The following ZRANB3 variants were observed in gnomAD, a reference collection of about 807,000 sequenced individuals.
The protein encoded by ZRANB3 is zinc finger RANBP2-type containing 3, also known as DNA annealing helicase and endonuclease ZRANB3.
A neutral mutation model predicts 133.8 loss-of-function variants in ZRANB3; 125 were observed. The ratio of observed to expected loss-of-function variants is 0.93; its 90% CI spans 0.81 to 1.08. The LOEUF (loss-of-function observed/expected upper bound fraction) is 1.08. Among genes scored for constraint, ZRANB3 ranks in the 50% least tolerant of loss-of-function variants. The probability of loss-of-function intolerance (pLI) is 0.00; values close to 1 mark genes in which losing one functional copy is unlikely to be tolerated. For synonymous variants in ZRANB3, 387 were observed against 432.7 expected (o/e 0.89, Z 1.31); for missense variants, 1,229 against 1,275.5 (o/e 0.96, Z 0.56).
chr2:135,463,248 G>T (rs1690839614), intron 2 of ZRANB3, among the ~76,000 whole-genome samples: 1 of 152,090 alleles, frequency 6.6e-6, no homozygotes, highest in African/African-American at 2.4e-5. Flanking sequence ...GTATACTTGA[G>T]TTGGTAACTG....
At chr2:135,344,722 C>T (rs1007176297) in intron 6 of ZRANB3, among the ~76,000 whole-genome samples, 4 of 151,914 alleles carry the variant, frequency 2.6e-5, no homozygotes, top group Non-Finnish European at 4.4e-5. Flanking sequence ...GCCTGGGTAA[C>T]GGAGCGAGAC....
At chr2:135,250,204 T>G (rs1335188629) in intron 12 of ZRANB3, among the ~76,000 whole-genome samples, 1 of 152,168 alleles carries the variant, frequency 6.6e-6, no homozygotes, top group Admixed American at 6.5e-5. Context: ...CCCTAGAGAT[T>G]TGTGGAACTT....
chr2:135,202,793 C>T lies in ZRANB3; in HGVS notation c.3141+39G>A, dbSNP rs201227471. On this transcript the variant is annotated intron_variant, in intron 20 of 20. Coordinates refer to ENST00000264159, the MANE Select transcript of ZRANB3 (RefSeq NM_032143.4). ...GTGTGCACAATTTTCCATTTGACTT[C>T]TCAGGATGCAGTCAAAGCTATATGA... is the stretch of plus-strand genomic sequence containing the variant. 227 of 1,571,264 alleles carry T rather than the reference C, an allele frequency of 1.4e-4. No homozygotes were observed. The African/African-American group carries it at 2.6e-3, about 18-fold the overall frequency.
intron 17 of ZRANB3, among the ~76,000 whole-genome samples, chr2:135,209,195 A>AT (rs1197199787): frequency 6.6e-6 from 1 of 152,202 alleles, no homozygotes; most frequent in African/African-American, 2.4e-5. Flanking sequence ...GTTTTCTCAA[A>AT]TTTCTTTTTC....
chr2:135,271,423 G>T, intron 10 of ZRANB3: 1 of 478,196 alleles, frequency 2.1e-6, no homozygotes, highest in Non-Finnish European at 4.3e-6. Context: ...AGTAAGTGAA[G>T]GGTTGGATAT....
At chr2:135,338,792 A>G (rs994924375) in intron 6 of ZRANB3, among the ~76,000 whole-genome samples, 1 of 152,252 alleles carries the variant, frequency 6.6e-6, no homozygotes, top group African/African-American at 2.4e-5. Flanking sequence ...ATACATGTGC[A>G]TATGTGTGTA....
chr2:135,507,738 T>A (rs1433644867), intron 1 of ZRANB3, among the ~76,000 whole-genome samples: 7 of 151,952 alleles, frequency 4.6e-5, no homozygotes, highest in Admixed American at 3.9e-4. Context: ...CAGAATAGCT[T>A]GAGGTCAGGA....
At chr2:135,367,131 C>T (rs1450054449) in intron 3 of ZRANB3, among the ~76,000 whole-genome samples, 1 of 152,176 alleles carries the variant, frequency 6.6e-6, no homozygotes, top group Non-Finnish European at 1.5e-5. Context: ...CAAATATGTG[C>T]TAATTACCTT....
At chr2:135,339,718 C>T (rs1684544166) in intron 6 of ZRANB3, among the ~76,000 whole-genome samples, 1 of 152,146 alleles carries the variant, frequency 6.6e-6, no homozygotes, top group Non-Finnish European at 1.5e-5. Flanking sequence ...AAAACTTTGT[C>T]TTACTGTAGT....
intron 2 of ZRANB3, among the ~76,000 whole-genome samples, chr2:135,495,550 AAAGT>A (rs1380775761): frequency 2.0e-5 from 3 of 152,226 alleles, no homozygotes; most frequent in Non-Finnish European, 2.9e-5. Flanking sequence ...AGAGAATAAT[AAAGT>A]AAATGTGGCA....
chr2:135,263,780 A>ATT, intron 12 of ZRANB3, among the ~76,000 whole-genome samples: 1 of 144,250 alleles, frequency 6.9e-6, no homozygotes, highest in Non-Finnish European at 1.5e-5. Context: ...GTTCATAGTA[A>ATT]TTTTTTTTTT....
intron 8 of ZRANB3, among the ~76,000 whole-genome samples, chr2:135,294,299 C>G (rs1439204683): frequency 1.3e-5 from 2 of 152,084 alleles, no homozygotes; most frequent in African/African-American, 4.8e-5. Flanking sequence ...TTCAGGGATT[C>G]AACTTCTTCC....
intron 3 of ZRANB3, among the ~76,000 whole-genome samples, chr2:135,376,543 G>A (rs1348657023): frequency 2.0e-5 from 3 of 152,114 alleles, no homozygotes; most frequent in African/African-American, 7.2e-5. Context: ...AAAAAGACAC[G>A]GATGAATTTT....
chr2:135,461,650 T>A (rs1690769906), intron 2 of ZRANB3, among the ~76,000 whole-genome samples: 1 of 152,196 alleles, frequency 6.6e-6, no homozygotes. Flanking sequence ...TATAGCTCAG[T>A]ACTATGAATC....
intron 2 of ZRANB3, among the ~76,000 whole-genome samples, chr2:135,406,734 C>T (rs13395430): frequency 0.015 from 2,336 of 152,210 alleles, 51 homozygotes; most frequent in African/African-American, 0.052. Flanking sequence ...ATGATTATCT[C>T]AATAGATGCA....
chr2:135,246,027 T>TTTCG, intron 12 of ZRANB3, among the ~76,000 whole-genome samples: 1 of 140,602 alleles, frequency 7.1e-6, no homozygotes, highest in Non-Finnish European at 1.5e-5. Context: ...TTTTCTTTTC[T>TTTCG]TTTCTTTCTT....
At chr2:135,328,214 C>T (rs1299203882) in intron 6 of ZRANB3, among the ~76,000 whole-genome samples, 6 of 151,366 alleles carry the variant, frequency 4.0e-5, no homozygotes, top group African/African-American at 1.5e-4. Context: ...ATCCCTCCCC[C>T]AGGCCCCCAC....
intron 1 of ZRANB3, among the ~76,000 whole-genome samples, chr2:135,528,397 C>T (rs1694249847): frequency 6.6e-6 from 1 of 152,110 alleles, no homozygotes; most frequent in African/African-American, 2.4e-5. Flanking sequence ...ATTCTCTTGC[C>T]TTGACATCTT....
chr2:135,383,425 T>C (rs996688229), intron 3 of ZRANB3, among the ~76,000 whole-genome samples: 16 of 152,138 alleles, frequency 1.1e-4, no homozygotes, highest in Non-Finnish European at 2.2e-4. Context: ...CTGTCAACAT[T>C]AGACAGATCA....
Sources: gnomAD v4.1 joint callset for allele counts (sites outside exome capture counted in the v4.1 genomes callset) on GRCh38, gnomAD v4.1.1 for gene constraint, MANE v1.5 for transcripts, NCBI Gene and HGNC (gene_info 2026-07-23, HGNC 2026-07-21) for gene names.